TMTC1: variants seen among roughly 807,000 people sequenced by gnomAD.
TMTC1 encodes transmembrane O-mannosyltransferase targeting cadherins 1, also known as protein O-mannosyl-transferase TMTC1.
A neutral mutation model predicts 104.8 loss-of-function variants in TMTC1; 73 were observed. The ratio of observed to expected loss-of-function variants is 0.70; its 90% confidence interval spans 0.58 to 0.85. The LOEUF is 0.85. Ranked by LOEUF, TMTC1 falls within the 40% of genes least tolerant of loss-of-function variation. The pLI, the probability that TMTC1 is intolerant of heterozygous loss-of-function variation, is 0.00. For synonymous variants in TMTC1, 434 were observed against 428.7 expected (o/e 1.01, Z -0.15); for missense variants, 1,035 against 1,096.1 (o/e 0.94, Z 0.79).
Position 29,633,325 on chromosome 12 carries a change from T to C in TMTC1, c.950A>G (p.Tyr317Cys), listed in dbSNP as rs1050788354. Reference sequence around the variant, plus strand: ...CACATTGAAGGCCAAGAGGTAGGAATAGGTGAGGAATCTATAAAGAGAAGA... The same window carrying C: ...CACATTGAAGGCCAAGAGGTAGGAACAGGTGAGGAATCTATAAAGAGAAGA... ...AVWSMMRFLTYSYLLAFNVWL... is the reference protein window; with the variant it reads ...AVWSMMRFLTCSYLLAFNVWL... Residue 317 changes from tyrosine to cysteine, a missense_variant, in exon 6 of 18, where the codon TAT becomes TGT. Tyr to Cys is a radical substitution (Grantham distance 194). Coordinates refer to ENST00000539277, the MANE Select transcript of TMTC1 (RefSeq NM_001193451.2). 14 of 1,609,014 alleles carry C rather than the reference T, an allele frequency of 8.7e-6. No homozygotes were observed. Among genetic ancestry groups the C allele is most frequent in the Non-Finnish European group, 1.2e-5 (14 of 1,176,772 alleles).
chr12:29,527,788 G>C (rs74951580), intron 11 of TMTC1, among the ~76,000 whole-genome samples: 29 of 152,242 alleles, frequency 1.9e-4, no homozygotes, highest in African/African-American at 5.8e-4. Context: ...TAGGCAAAGA[G>C]ATTATCTTTT....
chr12:29,730,799 G>A (rs930444879), intron 5 of TMTC1, among the ~76,000 whole-genome samples: 1 of 152,122 alleles, frequency 6.6e-6, no homozygotes, highest in African/African-American at 2.4e-5. Flanking sequence ...TTCAGCTAGG[G>A]TATAAAACGG....
intron 7 of TMTC1, among the ~76,000 whole-genome samples, chr12:29,593,887 C>T (rs1466812292): frequency 6.6e-6 from 1 of 152,172 alleles, no homozygotes; most frequent in Non-Finnish European, 1.5e-5. Context: ...TAAAACATAG[C>T]AGGGGCTGCT....
intron 5 of TMTC1, among the ~76,000 whole-genome samples, chr12:29,673,261 A>C (rs1940586593): frequency 6.6e-6 from 1 of 152,238 alleles, no homozygotes; most frequent in Non-Finnish European, 1.5e-5. Flanking sequence ...ACTCCTGAGA[A>C]GAAAGCTATA....
At chr12:29,571,903 C>T (rs761467019) in intron 9 of TMTC1, among the ~76,000 whole-genome samples, 2 of 152,200 alleles carry the variant, frequency 1.3e-5, no homozygotes, top group Non-Finnish European at 2.9e-5. Flanking sequence ...AAGACTTACA[C>T]GCAAGGTAGA....
chr12:29,673,207 C>T (rs1421787831), intron 5 of TMTC1, among the ~76,000 whole-genome samples: 1 of 151,234 alleles, frequency 6.6e-6, no homozygotes, highest in Admixed American at 6.6e-5. Flanking sequence ...CAACTCTAGT[C>T]AATTTGGTTT....
chr12:29,566,015 T>C (rs546115464), intron 9 of TMTC1, among the ~76,000 whole-genome samples: 1 of 152,182 alleles, frequency 6.6e-6, no homozygotes, highest in Admixed American at 6.5e-5. Context: ...GGACACACAA[T>C]TAACAAAACG....
chr12:29,606,855 G>C (rs1408322606), intron 6 of TMTC1, among the ~76,000 whole-genome samples: 1 of 151,924 alleles, frequency 6.6e-6, no homozygotes, highest in Non-Finnish European at 1.5e-5. Context: ...ACTACGGTGG[G>C]TGTTCACTTT....
chr12:29,520,938 T>C lies in TMTC1; in HGVS notation c.1786-218A>G, dbSNP rs1944134650. ...AAATTCATATCTGTATTTAGTTCCC[T>C]TAGGGCGAAAAAGATGATGTTTTCT... is the stretch of plus-strand genomic sequence containing the variant. On this transcript the variant is annotated intron_variant, in intron 11 of 17. Coordinates refer to ENST00000539277, the MANE Select transcript of TMTC1 (RefSeq NM_001193451.2). 8.2e-6 allele frequency: 4 copies of C among 487,526 alleles called. No homozygotes were observed. The South Asian group carries it at 1.1e-4, about 13-fold the overall frequency. The allele number at this position is 487,526 out of a possible 1,614,324, so 30.2% of individuals were successfully genotyped here.
At chr12:29,547,105 G>A (rs1341220698) in intron 10 of TMTC1, among the ~76,000 whole-genome samples, 1 of 152,154 alleles carries the variant, frequency 6.6e-6, no homozygotes, top group Non-Finnish European at 1.5e-5. Context: ...TCTTGCACTT[G>A]ACAAAGCAGT....
At chr12:29,715,816 C>G (rs557722088) in intron 5 of TMTC1, among the ~76,000 whole-genome samples, 7 of 152,032 alleles carry the variant, frequency 4.6e-5, no homozygotes, top group Non-Finnish European at 8.8e-5. Flanking sequence ...GGGGAAAAAG[C>G]CTCTTATAAA....
intron 14 of TMTC1, 105 bp from the exon 15 acceptor site, chr12:29,516,591 A>C: frequency 2.2e-6 from 3 of 1,341,994 alleles, no homozygotes; most frequent in South Asian, 3.5e-5. Context: ...AAACATGCTC[A>C]GCATCAATTT....
chr12:29,662,685 A>G (rs1228937451), intron 5 of TMTC1, among the ~76,000 whole-genome samples: 5 of 151,720 alleles, frequency 3.3e-5, no homozygotes, highest in African/African-American at 1.2e-4. Context: ...AAAAAAAAAA[A>G]AAGAGGATTG....
intron 8 of TMTC1, 131 bp downstream of exon 8, chr12:29,583,276 A>G: frequency 1.2e-6 from 1 of 819,030 alleles, no homozygotes; most frequent in Non-Finnish European, 1.8e-6. Context: ...TACATCTTCC[A>G]TTTAAAACTT....
chr12:29,732,237 G>T lies in TMTC1; in HGVS notation c.938+19429C>A, dbSNP rs190770089. ...GATACCAGACTAGACTGGTGCTCAG[G>T]AAAGAGTACTCAAAGGACTGACTTT... On this transcript the variant is annotated intron_variant, in intron 5 of 17. Transcript: ENST00000539277. Among the ~76,000 whole-genome samples the T allele has an allele frequency of 2.6e-5, 4 of 152,278 alleles. No homozygotes were observed. In the East Asian group the frequency reaches 7.7e-4, roughly 29 times the overall value.
intron 5 of TMTC1, among the ~76,000 whole-genome samples, chr12:29,639,349 G>C (rs933905947): frequency 2.5e-4 from 38 of 152,146 alleles, no homozygotes; most frequent in African/African-American, 7.2e-4. Flanking sequence ...AGTCCAGGCA[G>C]GGCCACCCAA....
Position 29,568,629 on chromosome 12 carries a change from T to C in TMTC1, c.1532+3476A>G, listed in dbSNP as rs534094402. On this transcript the variant is annotated intron_variant, in intron 9 of 17. Transcript: ENST00000539277. ...GTACATTTGAAATTTCAGGGTAAAA[T>C]AAAATACTCAAGCGTTTGCTTAATT... is the stretch of plus-strand genomic sequence containing the variant. 31 of 180,898 alleles carry C rather than the reference T, an allele frequency of 1.7e-4. 1 individual carries two copies. The South Asian group carries it at 3.9e-3, about 23-fold the overall frequency. 11.2% of individuals were successfully genotyped at this position (180,898 alleles called of 1,614,324 possible).
intron 5 of TMTC1, among the ~76,000 whole-genome samples, chr12:29,670,095 C>T (rs926443016): frequency 1.3e-5 from 2 of 152,178 alleles, no homozygotes; most frequent in Non-Finnish European, 2.9e-5. Context: ...CTGCTACTTG[C>T]AATACACATT....
chr12:29,520,523 T>C, intron 12 of TMTC1, 95 bp downstream of exon 12: 1 of 1,067,252 alleles, frequency 9.4e-7, no homozygotes, highest in Non-Finnish European at 1.4e-6. Context: ...CCAAGCCCAG[T>C]GAATTTTACT....
Sources: gnomAD v4.1 joint callset for allele counts (sites outside exome capture counted in the v4.1 genomes callset) on GRCh38, gnomAD v4.1.1 for gene constraint, MANE v1.5 for transcripts, NCBI Gene and HGNC (gene_info 2026-07-23, HGNC 2026-07-21) for gene names.